SEL1L2: variants seen among roughly 807,000 people sequenced by gnomAD.
The protein encoded by SEL1L2 is SEL1L2 adaptor subunit of SYVN1 ubiquitin ligase.
In SEL1L2, 89 loss-of-function variants were observed where a neutral mutation model predicts 98.8. The ratio of observed to expected loss-of-function variants is 0.90; its 90% CI spans 0.76 to 1.07. The LOEUF (loss-of-function observed/expected upper bound fraction) is 1.07, where lower values mean the gene tolerates loss of function less well. Ranked by LOEUF, SEL1L2 falls within the 50% of genes least tolerant of loss-of-function variation. SEL1L2 has a pLI of 0.00. For missense variants in SEL1L2, 788 were observed against 812.0 expected (o/e 0.97, Z 0.36); for synonymous variants, 262 against 278.5 (o/e 0.94, Z 0.59).
chr20:13,931,054 T>TC (rs2049122138), intron 3 of SEL1L2, among the ~76,000 whole-genome samples: 3 of 151,722 alleles, frequency 2.0e-5, no homozygotes, highest in Admixed American at 2.0e-4. Flanking sequence ...ATCTATTTTT[T>TC]TTTTTTTTTG....
At chr20:13,983,182 A>G (rs1319408254) in intron 1 of SEL1L2, among the ~76,000 whole-genome samples, 1 of 151,846 alleles carries the variant, frequency 6.6e-6, no homozygotes, top group Non-Finnish European at 1.5e-5. Context: ...TTCCATCACT[A>G]TTTCACTCTG....
chr20:13,891,437 G>A (rs1051229631), intron 5 of SEL1L2, among the ~76,000 whole-genome samples: 1 of 152,152 alleles, frequency 6.6e-6, no homozygotes, highest in Non-Finnish European at 1.5e-5. Flanking sequence ...GGGAGGCCAA[G>A]GTGGGCGGAC....
intron 2 of SEL1L2, among the ~76,000 whole-genome samples, chr20:13,950,102 A>G (rs2148415953): frequency 6.6e-6 from 1 of 152,344 alleles, no homozygotes; most frequent in East Asian, 1.9e-4. Context: ...GAACACTTAG[A>G]TGAGGTACCT....
intron 1 of SEL1L2, among the ~76,000 whole-genome samples, chr20:13,961,954 C>CAT (rs1165584653): frequency 6.6e-6 from 1 of 152,124 alleles, no homozygotes; most frequent in African/African-American, 2.4e-5. Context: ...TATGTGAAGG[C>CAT]ATAGGGGAAT....
intron 5 of SEL1L2, among the ~76,000 whole-genome samples, chr20:13,888,922 A>T (rs1413071886): frequency 6.7e-6 from 1 of 149,396 alleles, no homozygotes; most frequent in East Asian, 2.0e-4. Context: ...TTGGGATTAC[A>T]GGCGTGAGCC....
intron 3 of SEL1L2, among the ~76,000 whole-genome samples, chr20:13,929,439 C>A (rs1048783399): frequency 6.6e-6 from 1 of 151,188 alleles, no homozygotes; most frequent in Admixed American, 6.6e-5. Flanking sequence ...ATCTAATCTC[C>A]CCTGTCTGGA....
At chr20:13,985,504 A>G (rs1286678908) in intron 1 of SEL1L2, among the ~76,000 whole-genome samples, 1 of 152,112 alleles carries the variant, frequency 6.6e-6, no homozygotes, top group Non-Finnish European at 1.5e-5. Flanking sequence ...CCTCTCCCTC[A>G]TTCTGTGCCC....
chr20:13,897,669 G>A (rs149431896), intron 5 of SEL1L2, among the ~76,000 whole-genome samples: 201 of 152,132 alleles, frequency 1.3e-3, no homozygotes, highest in African/African-American at 4.5e-3. Flanking sequence ...ATATCAAGGT[G>A]CTCAACATCA....
At chr20:13,936,260 G>A (rs866573190) in intron 2 of SEL1L2, among the ~76,000 whole-genome samples, 1 of 152,218 alleles carries the variant, frequency 6.6e-6, no homozygotes, top group South Asian at 2.1e-4. Flanking sequence ...GGTCATTCCT[G>A]GGTGTGAGCT....
intron 5 of SEL1L2, among the ~76,000 whole-genome samples, chr20:13,907,738 CTTTCTT>C (rs1555880139): frequency 1.9e-5 from 2 of 104,196 alleles, no homozygotes; most frequent in Non-Finnish European, 3.9e-5. Flanking sequence ...TTCTTTCTTT[CTTTCTT>C]TCTTTTCTTT....
intron 1 of SEL1L2, among the ~76,000 whole-genome samples, chr20:13,957,382 G>A (rs1172890982): frequency 1.3e-5 from 2 of 152,188 alleles, no homozygotes; most frequent in East Asian, 1.9e-4. Context: ...GATTACAGGC[G>A]TGAGCTGCTG....
intron 5 of SEL1L2, among the ~76,000 whole-genome samples, chr20:13,894,554 C>T (rs1160570424): frequency 3.3e-5 from 5 of 151,900 alleles, no homozygotes; most frequent in Admixed American, 1.3e-4. Flanking sequence ...AGCAAGACTT[C>T]GGTTCACAAA....
At chr20:13,978,781 G>A (rs1202659717) in intron 1 of SEL1L2, among the ~76,000 whole-genome samples, 1 of 152,096 alleles carries the variant, frequency 6.6e-6, no homozygotes, top group Non-Finnish European at 1.5e-5. Context: ...AAATCACCAG[G>A]TGCGGTGGCT....
intron 4 of SEL1L2, among the ~76,000 whole-genome samples, chr20:13,915,469 C>T (rs1035046276): frequency 6.6e-6 from 1 of 152,188 alleles, no homozygotes; most frequent in Non-Finnish European, 1.5e-5. Flanking sequence ...TCCCTTGAGC[C>T]TTTCTGTCAC....
intron 18 of SEL1L2, among the ~76,000 whole-genome samples, chr20:13,852,007 T>C (rs1988344410): frequency 2.0e-5 from 3 of 152,364 alleles, no homozygotes; most frequent in African/African-American, 7.2e-5. Context: ...GGAACAAATC[T>C]TCCTGGCAAC....
At chr20:13,913,998 CCTT>C (rs2048305405) in intron 4 of SEL1L2, 54 bp from the exon 5 acceptor site, 4 of 1,449,268 alleles carry the variant, frequency 2.8e-6, no homozygotes, top group African/African-American at 3.0e-5. Context: ...ATTTTCTTCT[CCTT>C]CTTCAACACT....
chr20:13,876,104 C>G lies in SEL1L2; in HGVS notation c.1038G>C (p.Glu346Asp). The G allele has an allele frequency of 6.2e-7, 1 of 1,612,638 alleles. No individual in the cohort carries two copies. The change falls in exon 12 of 20, where the codon GAG becomes GAC. Residue 346 changes from glutamate to aspartate, a missense_variant. Glu to Asp is a conservative substitution (Grantham distance 45). Coordinates refer to ENST00000284951, the MANE Select transcript of SEL1L2 (RefSeq NM_025229.2). ...TATTTTGCGGCACGGCAGCATTCCC[C>G]TCTAAATACATCTAGGAAGAAAAAT... The part of the protein sequence containing the change: ...AMAFIGKMYL[E>D]GNAAVPQNNA...
intron 3 of SEL1L2, among the ~76,000 whole-genome samples, chr20:13,927,642 T>G (rs2048960273): frequency 6.6e-6 from 1 of 152,234 alleles, no homozygotes. Flanking sequence ...AAATCCTATT[T>G]CTCTTTTGTG....
intron 18 of SEL1L2, among the ~76,000 whole-genome samples, chr20:13,852,766 A>T (rs1235655564): frequency 6.6e-6 from 1 of 152,236 alleles, no homozygotes; most frequent in African/African-American, 2.4e-5. Context: ...ATTCAAAGAT[A>T]CAGAATTCTT....
Sources: gnomAD v4.1 joint callset for allele counts (sites outside exome capture counted in the v4.1 genomes callset) on GRCh38, gnomAD v4.1.1 for gene constraint, MANE v1.5 for transcripts, NCBI Gene and HGNC (gene_info 2026-07-23, HGNC 2026-07-21) for gene names.